Variants in MBD5 observed in about 807,000 individuals in gnomAD.
The protein encoded by MBD5 is methyl-CpG-binding domain protein 5.
Under a neutral mutation model 117.3 loss-of-function variants are expected in MBD5, and 13 were observed. The ratio of observed to expected loss-of-function variants is 0.11; its 90% CI spans 0.07 to 0.18. The LOEUF (loss-of-function observed/expected upper bound fraction) is 0.18. Among genes scored for constraint, MBD5 ranks in the 10% least tolerant of loss-of-function variants. MBD5 has a pLI of 1.00. For missense variants in MBD5, 1,879 were observed against 2,093.8 expected, an observed-to-expected ratio of 0.90 and a Z score of 2.00; for synonymous variants, 727 against 766.4, an observed-to-expected ratio of 0.95 and a Z score of 0.85.
chr2:148,375,381 T>C (rs1321322475), intron 4 of MBD5, among the ~76,000 whole-genome samples: 2 of 152,166 alleles, frequency 1.3e-5, no homozygotes, highest in Non-Finnish European at 2.9e-5. Context: ...TAATCAGTAA[T>C]GTTGTGCGAG....
At chr2:148,308,395 T>A (rs935865197) in intron 3 of MBD5, among the ~76,000 whole-genome samples, 1 of 152,090 alleles carries the variant, frequency 6.6e-6, no homozygotes, top group African/African-American at 2.4e-5. Flanking sequence ...TGACCAGTGA[T>A]AATGAGTTTT....
At chr2:148,112,112 G>A (rs1280656480) in intron 1 of MBD5, among the ~76,000 whole-genome samples, 1 of 152,158 alleles carries the variant, frequency 6.6e-6, no homozygotes, top group Non-Finnish European at 1.5e-5. Flanking sequence ...AATGTGACTA[G>A]AGCCTAGAAA....
intron 11 of MBD5, among the ~76,000 whole-genome samples, chr2:148,501,491 T>G (rs1382447577): frequency 6.6e-6 from 1 of 152,230 alleles, no homozygotes; most frequent in Non-Finnish European, 1.5e-5. Flanking sequence ...CAACACTATT[T>G]TTACTTAGAT....
chr2:148,390,277 G>C (rs1704525879), intron 4 of MBD5, among the ~76,000 whole-genome samples: 1 of 151,726 alleles, frequency 6.6e-6, no homozygotes, highest in South Asian at 2.1e-4. Context: ...GCATTGATCT[G>C]TGTGTCTATT....
At chr2:148,381,279 T>C (rs979859786) in intron 4 of MBD5, among the ~76,000 whole-genome samples, 10 of 152,108 alleles carry the variant, frequency 6.6e-5, no homozygotes, top group Non-Finnish European at 1.0e-4. Flanking sequence ...TTAAAGGAAC[T>C]AATGGAGCTG....
intron 3 of MBD5, among the ~76,000 whole-genome samples, chr2:148,321,023 A>C (rs1702269669): frequency 6.6e-6 from 1 of 152,322 alleles, no homozygotes; most frequent in East Asian, 1.9e-4. Context: ...GGAAACTAAA[A>C]AAATTTTTCA....
At position 148,444,492 on chromosome 2, in the gene MBD5, G is replaced by A. The variant is rs1706429906; in HGVS notation, c.-556-13711G>A. On this transcript the variant is annotated intron_variant, in intron 4 of 13. Coordinates refer to ENST00000642680, the MANE Select transcript of MBD5 (RefSeq NM_001378120.1). ...ATCACATCTCAAGGTTAAAAAGTCT[G>A]ACAAAATGAGACCCCTATGTTTGTT... Among the ~76,000 whole-genome samples the A allele has an allele frequency of 2.0e-5, 3 of 151,170 alleles. No individual in the cohort carries two copies. In the South Asian group the frequency reaches 6.2e-4, roughly 31 times the overall value.
chr2:148,068,894 C>T (rs969389189), intron 1 of MBD5, among the ~76,000 whole-genome samples: 1 of 152,102 alleles, frequency 6.6e-6, no homozygotes, highest in Non-Finnish European at 1.5e-5. Flanking sequence ...TATAAGGAAG[C>T]TATTCAGTCC....
intron 4 of MBD5, among the ~76,000 whole-genome samples, chr2:148,353,186 A>C (rs2105246538): frequency 6.6e-6 from 1 of 152,274 alleles, no homozygotes; most frequent in Middle Eastern, 3.4e-3. Flanking sequence ...ATAAAAAAAC[A>C]CTTTTGTGTC....
intron 3 of MBD5, among the ~76,000 whole-genome samples, chr2:148,324,595 A>G (rs1702390496): frequency 6.6e-6 from 1 of 151,998 alleles, no homozygotes; most frequent in Non-Finnish European, 1.5e-5. Flanking sequence ...TCTTTGAAGC[A>G]ATTGTGAATG....
chr2:148,306,845 G>A (rs1223834451), intron 3 of MBD5, among the ~76,000 whole-genome samples: 3 of 151,984 alleles, frequency 2.0e-5, no homozygotes, highest in Non-Finnish European at 4.4e-5. Flanking sequence ...CCAGAAAAGA[G>A]GATTTTGGCA....
chr2:148,378,126 T>G (rs563466481), intron 4 of MBD5, among the ~76,000 whole-genome samples: 1 of 152,330 alleles, frequency 6.6e-6, no homozygotes, highest in South Asian at 2.1e-4. Flanking sequence ...GAATTGCCTT[T>G]TTCTTTTAAT....
intron 1 of MBD5, among the ~76,000 whole-genome samples, chr2:148,173,649 T>G (rs1427912828): frequency 6.6e-6 from 1 of 152,104 alleles, no homozygotes; most frequent in African/African-American, 2.4e-5. Flanking sequence ...TGCCCAGCAG[T>G]AAAGAGGCTA....
At chr2:148,093,522 T>G (rs1434060856) in intron 1 of MBD5, among the ~76,000 whole-genome samples, 5 of 152,176 alleles carry the variant, frequency 3.3e-5, no homozygotes, top group Non-Finnish European at 7.4e-5. Flanking sequence ...TAAAAATAGA[T>G]TTTTGTGGAG....
intron 3 of MBD5, among the ~76,000 whole-genome samples, chr2:148,256,003 G>A (rs931595017): frequency 6.6e-6 from 1 of 152,236 alleles, no homozygotes; most frequent in African/African-American, 2.4e-5. Flanking sequence ...CACCCTACAA[G>A]TGTAGGTGAA....
chr2:148,306,310 G>T (rs572184849), intron 3 of MBD5, among the ~76,000 whole-genome samples: 1 of 152,190 alleles, frequency 6.6e-6, no homozygotes, highest in African/African-American at 2.4e-5. Flanking sequence ...GTAAGCATTG[G>T]CTTATAAAGT....
chr2:148,438,127 G>A (rs1706209044), intron 4 of MBD5, among the ~76,000 whole-genome samples: 1 of 152,148 alleles, frequency 6.6e-6, no homozygotes. Context: ...TACATATTTT[G>A]TACATCCAGT....
rs958683052 is a variant in MBD5, at chr2:148,516,181, T to C, written c.*3240T>C. On this transcript the variant is annotated 3_prime_UTR_variant, in exon 14 of 14. Transcript: ENST00000642680. ...AGATTCTTATATCCTACGAGGTGAC[T>C]CATGTTTCATTTTAGACCATGATAG... 2.6e-5 allele frequency: 4 copies of C among 152,352 alleles called. No individual in the cohort carries two copies. The highest frequency in any genetic ancestry group is 4.8e-5 in the African/African-American group (2 of 41,580). 9.4% of individuals were successfully genotyped at this position (152,352 alleles called of 1,614,324 possible).
intron 4 of MBD5, among the ~76,000 whole-genome samples, chr2:148,348,629 G>A (rs575165421): frequency 6.6e-6 from 1 of 152,010 alleles, no homozygotes; most frequent in Non-Finnish European, 1.5e-5. Flanking sequence ...TAACATGACA[G>A]TGAGAAATAA....
Sources: allele counts gnomAD v4.1 joint callset (sites outside exome capture counted in the v4.1 genomes callset), GRCh38; gene constraint gnomAD v4.1.1; transcripts MANE v1.5; gene names NCBI Gene and HGNC (gene_info 2026-07-23, HGNC 2026-07-21).